The following PRDM4 variants were observed in gnomAD, a reference collection of about 807,000 sequenced individuals.
PRDM4 encodes PR/SET domain 4.
In PRDM4, 38 loss-of-function variants were observed where a neutral mutation model predicts 62.3. That is an observed-to-expected ratio of 0.61 (90% CI 0.47 to 0.80). The LOEUF (loss-of-function observed/expected upper bound fraction) is 0.80, where lower values mean the gene tolerates loss of function less well. Among genes scored for constraint, PRDM4 ranks in the 30% least tolerant of loss-of-function variants. The pLI, the probability that PRDM4 is intolerant of heterozygous loss-of-function variation, is 0.00. For synonymous variants in PRDM4, 339 were observed against 348.2 expected, an observed-to-expected ratio of 0.97 and a Z score of 0.30; for missense variants, 858 against 997.1, an observed-to-expected ratio of 0.86 and a Z score of 1.88.
At chr12:107,751,387 C>A in intron 5 of PRDM4, 28 bp downstream of exon 5, 1 of 1,568,784 alleles carries the variant, frequency 6.4e-7, no homozygotes, top group Non-Finnish European at 8.7e-7. Context: ...ACAAATATTT[C>A]CAAAAAAGAA....
intron 5 of PRDM4, among the ~76,000 whole-genome samples, chr12:107,751,124 G>A (rs186994146): frequency 1.3e-5 from 2 of 152,276 alleles, no homozygotes; most frequent in African/African-American, 4.8e-5. Flanking sequence ...TGGGACTACA[G>A]GCACACACTA....
intron 5 of PRDM4, among the ~76,000 whole-genome samples, chr12:107,749,396 CTTTT>C (rs56295338): frequency 7.7e-6 from 1 of 130,134 alleles, no homozygotes. Flanking sequence ...TTTCTGTTTG[CTTTT>C]TTTTTTTTTT....
At chr12:107,734,975 T>C (rs911274268) in intron 11 of PRDM4, among the ~76,000 whole-genome samples, 22 of 152,168 alleles carry the variant, frequency 1.4e-4, no homozygotes, top group Non-Finnish European at 2.4e-4. Flanking sequence ...AGAACGTTTT[T>C]AAATTTTTTT....
intron 2 of PRDM4, among the ~76,000 whole-genome samples, chr12:107,759,563 A>C (rs1037749164): frequency 2.0e-5 from 3 of 152,166 alleles, no homozygotes; most frequent in Admixed American, 6.5e-5. Flanking sequence ...GCCTTCTCAA[A>C]CCAGTTCAAA....
chr12:107,760,962 A>T lies in PRDM4; in HGVS notation c.-262T>A, dbSNP rs941201575. 2.1e-5 allele frequency: 3 copies of T among 146,018 alleles called. No individual in the cohort carries two copies. Among genetic ancestry groups the T allele is most frequent in the Non-Finnish European group, 4.5e-5 (3 of 66,356 alleles). 9.0% of individuals were successfully genotyped at this position (146,018 alleles called of 1,614,324 possible). ...CGGGCCCGCGCGCAGCCCACCTGCC[A>T]GCTGCGCTGGGGGCGCACGCGCCTG... On this transcript the variant is annotated 5_prime_UTR_variant, in exon 1 of 12. Coordinates refer to ENST00000228437, the MANE Select transcript of PRDM4 (RefSeq NM_012406.4).
intron 11 of PRDM4, chr12:107,736,826 GAAGGA>G (rs1890347596): frequency 6.6e-6 from 1 of 152,222 alleles, no homozygotes; most frequent in Non-Finnish European, 1.5e-5. Flanking sequence ...TTAGTTGAAT[GAAGGA>G]AGGAAGGAAA....
intron 4 of PRDM4, among the ~76,000 whole-genome samples, chr12:107,753,482 T>A (rs1375770313): frequency 6.6e-6 from 1 of 151,446 alleles, no homozygotes; most frequent in Non-Finnish European, 1.5e-5. Flanking sequence ...AGGAAGGAAG[T>A]ACACCAAAAA....
Position 107,746,443 on chromosome 12 carries a change from A to G in PRDM4, c.1127-19T>C, listed in dbSNP as rs753695354. Reference sequence around the variant, plus strand: ...GTACACCCTGTAGATGGCAAATTTGAGCAATACAAATGGGTTTAGTTCAAG... The same window carrying G: ...GTACACCCTGTAGATGGCAAATTTGGGCAATACAAATGGGTTTAGTTCAAG... On this transcript the variant is annotated intron_variant, in intron 5 of 11. Coordinates refer to ENST00000228437, the MANE Select transcript of PRDM4 (RefSeq NM_012406.4). 3 of 1,549,694 alleles carry G rather than the reference A, an allele frequency of 1.9e-6. No homozygotes were observed. The highest frequency in any genetic ancestry group is 1.2e-5 in the South Asian group (1 of 82,114).
chr12:107,749,744 T>C (rs867759218), intron 5 of PRDM4, among the ~76,000 whole-genome samples: 3 of 152,232 alleles, frequency 2.0e-5, no homozygotes, highest in South Asian at 4.1e-4. Context: ...CCACACCTCC[T>C]TGCCTCTTAA....
chr12:107,740,905 T>C (rs2089542490), intron 10 of PRDM4, 41 bp downstream of exon 10: 6 of 1,574,920 alleles, frequency 3.8e-6, no homozygotes, highest in Non-Finnish European at 4.3e-6. Context: ...CATTTTCTAA[T>C]TGTTGCAAAA....
intron 3 of PRDM4, among the ~76,000 whole-genome samples, chr12:107,756,352 A>G (rs1408516983): frequency 6.6e-6 from 1 of 152,208 alleles, no homozygotes; most frequent in African/African-American, 2.4e-5. Flanking sequence ...CCCCAGGTAA[A>G]AGTACCACAC....
intron 3 of PRDM4, among the ~76,000 whole-genome samples, chr12:107,755,743 C>A (rs1213993148): frequency 1.3e-5 from 2 of 152,094 alleles, no homozygotes; most frequent in Non-Finnish European, 2.9e-5. Flanking sequence ...CATTTATATT[C>A]TATTTCAATA....
rs1250217383 is a variant in PRDM4, at chr12:107,754,001, AACCC to A, written c.250_253del (p.Gly84TyrfsTer32). 4 of 1,614,118 alleles carry A rather than the reference AACCC, an allele frequency of 2.5e-6. No individual in the cohort carries two copies. The Admixed American group carries it at 6.7e-5, about 27-fold the overall frequency. ...AGGTAGGGTGTAGTTTCTTTCAGGT[AACCC>A]ACACATCACCCCTCGATCCCCAATA... On this transcript the variant is annotated frameshift_variant, in exon 4 of 12. Coordinates refer to ENST00000228437, the MANE Select transcript of PRDM4 (RefSeq NM_012406.4). LOFTEE classifies it high-confidence loss of function.
At chr12:107,759,344 C>G (rs960204653) in intron 2 of PRDM4, among the ~76,000 whole-genome samples, 2 of 152,190 alleles carry the variant, frequency 1.3e-5, no homozygotes, top group Non-Finnish European at 2.9e-5. Flanking sequence ...TGGTTTAAAA[C>G]AGACTTTTCC....
At chr12:107,758,175 C>T (rs1259864784) in intron 2 of PRDM4, 1 of 151,376 alleles carries the variant, frequency 6.6e-6, no homozygotes, top group Non-Finnish European at 1.5e-5. Context: ...AAATTTATGG[C>T]TCCCTTACCA....
At chr12:107,753,316 G>C (rs887866082) in intron 4 of PRDM4, among the ~76,000 whole-genome samples, 1 of 151,588 alleles carries the variant, frequency 6.6e-6, no homozygotes, top group African/African-American at 2.4e-5. Context: ...AGAATCACTG[G>C]AGTCCAGGAG....
chr12:107,755,869 G>A (rs915657717), intron 3 of PRDM4, among the ~76,000 whole-genome samples: 2 of 152,192 alleles, frequency 1.3e-5, no homozygotes, highest in Admixed American at 1.3e-4. Context: ...CGGATCACCT[G>A]AGGGCAGGAG....
intron 3 of PRDM4, among the ~76,000 whole-genome samples, chr12:107,754,573 G>C (rs1891004811): frequency 6.6e-6 from 1 of 152,030 alleles, no homozygotes; most frequent in Non-Finnish European, 1.5e-5. Flanking sequence ...GCTAGAGACA[G>C]GGTTTCACCA....
chr12:107,745,522 T>C (rs1293260882), intron 6 of PRDM4, among the ~76,000 whole-genome samples: 3 of 151,794 alleles, frequency 2.0e-5, no homozygotes. Flanking sequence ...CGAGTTACTG[T>C]ACTCCGTATG....
Sources: gnomAD v4.1 joint callset for allele counts (sites outside exome capture counted in the v4.1 genomes callset) on GRCh38, gnomAD v4.1.1 for gene constraint, MANE v1.5 for transcripts, NCBI Gene and HGNC (gene_info 2026-07-23, HGNC 2026-07-21) for gene names.